KAT7: variants seen among roughly 807,000 people sequenced by gnomAD.
KAT7 encodes lysine acetyltransferase 7.
A neutral mutation model predicts 82.1 loss-of-function variants in KAT7; 10 were observed. That is an observed-to-expected ratio of 0.12 (90% CI 0.08 to 0.21). KAT7 has a LOEUF of 0.21. KAT7 is among the 10% of genes least tolerant of loss of function. The probability of loss-of-function intolerance (pLI) is 1.00; values close to 1 mark genes in which losing one functional copy is unlikely to be tolerated. For missense variants in KAT7, 378 were observed against 760.9 expected (o/e 0.50, Z 5.92); for synonymous variants, 250 against 262.5 (o/e 0.95, Z 0.46).
intron 2 of KAT7, among the ~76,000 whole-genome samples, chr17:49,792,478 T>C (rs1161099673): frequency 2.6e-5 from 4 of 152,136 alleles, no homozygotes; most frequent in Non-Finnish European, 5.9e-5. Flanking sequence ...ACAATATGCA[T>C]TCAGTGGAAA....
At chr17:49,815,771 A>G (rs950658424) in intron 7 of KAT7, 32 bp from the exon 8 acceptor site, 2 of 1,240,722 alleles carry the variant, frequency 1.6e-6, no homozygotes, top group South Asian at 1.2e-5. Flanking sequence ...AGCAGAGAGT[A>G]TCAGAGTATC....
At chr17:49,805,682 C>T (rs532825917) in intron 5 of KAT7, among the ~76,000 whole-genome samples, 1 of 152,210 alleles carries the variant, frequency 6.6e-6, no homozygotes, top group South Asian at 2.1e-4. Flanking sequence ...GATTATGAAA[C>T]GTTTGGAACA....
At chr17:49,824,195 C>G (rs2074339771) in intron 12 of KAT7, among the ~76,000 whole-genome samples, 1 of 152,108 alleles carries the variant, frequency 6.6e-6, no homozygotes, top group Non-Finnish European at 1.5e-5. Flanking sequence ...AGTAGTGGTT[C>G]AATATTCACT....
At chr17:49,817,289 GT>G (rs1214336241) in intron 8 of KAT7, among the ~76,000 whole-genome samples, 8 of 152,262 alleles carry the variant, frequency 5.3e-5, no homozygotes, top group Non-Finnish European at 7.4e-5. Flanking sequence ...AATGTGGGAG[GT>G]AGCAGAGAAA....
In KAT7 at chr17:49,796,921, A is replaced by T; in HGVS notation, c.335A>T (p.Asp112Val). ...SETEQVVDFSDRETKNTADHD... is the reference protein window; with the variant it reads ...SETEQVVDFSVRETKNTADHD... ...ACTGAGCAAGTGGTTGATTTTTCAG[A>T]TAGAGGTGAGTGGGTATGGTATGAC... The change falls in exon 3 of 15, where the codon GAT becomes GTT. Residue 112 changes from aspartate to valine, a missense_variant. By Grantham distance (152) the Asp-to-Val change is radical (BLOSUM62 -3). Around this residue, in one of 6 missense-constraint regions of KAT7, gnomAD observed 161 missense variants for 229.6 expected, o/e 0.70. Coordinates refer to ENST00000259021, the MANE Select transcript of KAT7 (RefSeq NM_007067.5). The T allele has an allele frequency of 1.2e-6, 2 of 1,614,056 alleles. No homozygotes were observed. The highest frequency in any genetic ancestry group is 1.7e-6 in the Non-Finnish European group (2 of 1,179,920).
At chr17:49,802,777 G>A (rs1417284153) in intron 4 of KAT7, among the ~76,000 whole-genome samples, 1 of 152,174 alleles carries the variant, frequency 6.6e-6, no homozygotes, top group Non-Finnish European at 1.5e-5. Context: ...CTAGGCTGGA[G>A]TATGGTGGTG....
chr17:49,834,914 G>C lies in KAT7; in HGVS notation c.*7412G>C, dbSNP rs2144025390. 1 of 152,458 alleles carries C rather than the reference G, an allele frequency of 6.6e-6. No homozygotes were observed. The highest frequency in any genetic ancestry group is 2.1e-4 in the South Asian group (1 of 4,830). 9.4% of individuals were successfully genotyped at this position (152,458 alleles called of 1,614,324 possible). A position where few individuals can be genotyped will look rare whatever the true frequency, so the allele number is the denominator to read the frequency against. ...AGCTACTCAGGAGGCTGAGGTAGGAGGATCACCTGAGCCCAGGAAGTCAAG... is the reference window on the plus strand; with the variant it reads ...AGCTACTCAGGAGGCTGAGGTAGGACGATCACCTGAGCCCAGGAAGTCAAG... On this transcript the variant is annotated 3_prime_UTR_variant, in exon 15 of 15. Transcript: ENST00000259021.
intron 2 of KAT7, among the ~76,000 whole-genome samples, chr17:49,794,100 A>G (rs372420079): frequency 6.6e-6 from 1 of 152,200 alleles, no homozygotes; most frequent in Non-Finnish European, 1.5e-5. Context: ...GTTATGTACT[A>G]GGAACCATGA....
rs545981026 is a variant in KAT7 at position 49,796,898 on chromosome 17, T to A, written c.312T>A (p.Thr104=). The change falls in exon 3 of 15, where the codon ACT becomes ACA. Residue 104 remains threonine (T), a synonymous_variant. Transcript: ENST00000259021. The part of the protein sequence containing the change: ...LRQTRSSGSE[T]EQVVDFSDRE... Reference sequence around the variant, plus strand: ...AGACTCGTTCATCTGGTTCAGAAACTGAGCAAGTGGTTGATTTTTCAGATA... The same window carrying A: ...AGACTCGTTCATCTGGTTCAGAAACAGAGCAAGTGGTTGATTTTTCAGATA... 6.2e-7 allele frequency: 1 copy of A among 1,614,128 alleles called. No individual in the cohort carries two copies. Among genetic ancestry groups the A allele is most frequent in the Admixed American group, 1.7e-5 (1 of 60,022 alleles).
chr17:49,797,110 C>T (rs1193200299), intron 3 of KAT7, among the ~76,000 whole-genome samples, 184 bp downstream of exon 3: 1 of 150,794 alleles, frequency 6.6e-6, no homozygotes. Flanking sequence ...ATTGCCCAGG[C>T]TGGAGTGCAG....
chr17:49,819,698 T>C (rs1173765611), intron 9 of KAT7, among the ~76,000 whole-genome samples: 3 of 152,240 alleles, frequency 2.0e-5, no homozygotes, highest in Non-Finnish European at 4.4e-5. Flanking sequence ...CCTGTTCTTA[T>C]TCCCGTTGCT....
rs762168329 is a variant in KAT7 at position 49,821,357 on chromosome 17, C to T, written c.1176C>T (p.His392=). The change falls in exon 10 of 15, where the codon CAC becomes CAT. Residue 392 remains histidine (H), a synonymous_variant. Transcript: ENST00000259021. ...TGCAGGCCAAATGTGTGTGGAAACA[C>T]CCACCTGGTGATGAGATATATCGCA... is the stretch of plus-strand genomic sequence containing the variant. ...RRHMAKCVWK[H]PPGDEIYRKG... is the part of the protein sequence containing the mutation. The T allele has an allele frequency of 8.1e-6, 13 of 1,613,536 alleles. 1 individual carries two copies. In the Admixed American group the frequency reaches 2.0e-4, roughly 25 times the overall value.
intron 7 of KAT7, among the ~76,000 whole-genome samples, chr17:49,813,042 A>G (rs1029251668): frequency 3.6e-5 from 5 of 137,908 alleles, no homozygotes; most frequent in African/African-American, 1.4e-4. Flanking sequence ...TTTATTTTAA[A>G]TTTTAGATAA....
chr17:49,809,281 T>C, intron 6 of KAT7, 73 bp downstream of exon 6: 1 of 1,068,860 alleles, frequency 9.4e-7, no homozygotes, highest in Non-Finnish European at 1.4e-6. Flanking sequence ...ATAATTGTCT[T>C]CAGGCATGTC....
chr17:49,793,999 A>G (rs543283191), intron 2 of KAT7, among the ~76,000 whole-genome samples: 31 of 152,336 alleles, frequency 2.0e-4, no homozygotes, highest in African/African-American at 7.2e-4. Flanking sequence ...GATTTCAGCT[A>G]AAGTATTGCT....
intron 7 of KAT7, among the ~76,000 whole-genome samples, chr17:49,813,871 C>CTT (rs1245745231): frequency 7.0e-6 from 1 of 142,708 alleles, no homozygotes; most frequent in Non-Finnish European, 1.5e-5. Context: ...ACTGTATTTC[C>CTT]TTTTTTTTTT....
rs192532532 is a variant in KAT7 at position 49,791,049 on chromosome 17, C to T, written c.16-837C>T. Among the ~76,000 whole-genome samples the T allele has an allele frequency of 3.7e-3, 560 of 152,316 alleles. 4 individuals are homozygous for T. Among genetic ancestry groups the T allele is most frequent in the African/African-American group, 0.012 (495 of 41,562 alleles). On this transcript the variant is annotated intron_variant, in intron 1 of 14. Coordinates refer to ENST00000259021, the MANE Select transcript of KAT7 (RefSeq NM_007067.5). ...CTGTTTTTGAATACCCATGAGTCTT[C>T]ATGTGCAAGCTGCCTTTTTGGAAGA...
In KAT7 at chr17:49,805,301, G is replaced by A. The variant is rs535307906; in HGVS notation, c.581-62G>A. On this transcript the variant is annotated intron_variant, in intron 4 of 14. Coordinates refer to ENST00000259021, the MANE Select transcript of KAT7 (RefSeq NM_007067.5). ...AGCAAAAAAACAGGTTTGTCTTAGA[G>A]AAACATACTACTTTCTAAGCTTGTC... is the stretch of plus-strand genomic sequence containing the variant. The A allele has an allele frequency of 2.3e-4, 274 of 1,177,808 alleles. 1 individual carries two copies. In the African/African-American group the frequency reaches 3.3e-3, roughly 14 times the overall value. The allele number at this position is 1,177,808 out of a possible 1,614,324, so 73.0% of individuals were successfully genotyped here.
In KAT7 at chr17:49,827,398, C is replaced by T; in HGVS notation, c.1735-3C>T. ...AATCCTTTTTCCCATTGTTCTCCCT[C>T]AGGACCTGATTGATGAGTGGATAGC... is the stretch of plus-strand genomic sequence containing the variant. On this transcript the variant is annotated splice_polypyrimidine_tract_variant and splice_region_variant and intron_variant, in intron 14 of 14. Transcript: ENST00000259021. The T allele has an allele frequency of 1.9e-6, 3 of 1,583,372 alleles. No homozygotes were observed. The highest frequency in any genetic ancestry group is 2.6e-6 in the Non-Finnish European group (3 of 1,152,078).
Sources: gnomAD v4.1 joint callset for allele counts (sites outside exome capture counted in the v4.1 genomes callset) on GRCh38, gnomAD v4.1.1 for gene constraint, gnomAD v4.1.1 regional missense constraint, MANE v1.5 for transcripts, NCBI Gene and HGNC (gene_info 2026-07-23, HGNC 2026-07-21) for gene names.